SNX30: variants seen among roughly 807,000 people sequenced by gnomAD.
SNX30 encodes sorting nexin family member 30.
SNX30 carries 24 observed loss-of-function variants against 46.4 expected under a neutral mutation model. The ratio of observed to expected loss-of-function variants is 0.52; its 90% CI spans 0.37 to 0.73. SNX30 has a LOEUF of 0.73. Ranked by LOEUF, SNX30 falls within the 30% of genes least tolerant of loss-of-function variation. The pLI, the probability that SNX30 is intolerant of heterozygous loss-of-function variation, is 0.00. For synonymous variants in SNX30, 189 were observed against 211.5 expected, an observed-to-expected ratio of 0.89 and a Z score of 0.92; for missense variants, 533 against 555.7, an observed-to-expected ratio of 0.96 and a Z score of 0.41.
chr9:112,751,877 C>T (rs1839283992), intron 1 of SNX30, among the ~76,000 whole-genome samples: 1 of 152,126 alleles, frequency 6.6e-6, no homozygotes. Flanking sequence ...AGCAGCACAA[C>T]CCTCCTGCTG....
intron 8 of SNX30, among the ~76,000 whole-genome samples, chr9:112,865,635 ATATATATATATATATATATATATATATG>A (rs1319168775): frequency 3.7e-5 from 3 of 80,166 alleles, no homozygotes; most frequent in African/African-American, 1.3e-4. Context: ...ATATATATAT[ATATATATATATATATATATATATATATG>A]TATGTATGTA....
At chr9:112,881,723 G>A (rs970492087), downstream of SNX30, 5 of 152,220 alleles carry the variant, frequency 3.3e-5, no homozygotes, top group African/African-American at 1.2e-4. Flanking sequence ...TACAGGGAGA[G>A]CCAAATAGCC....
At chr9:112,859,800 C>T (rs1206333774) in intron 7 of SNX30, among the ~76,000 whole-genome samples, 5 of 151,790 alleles carry the variant, frequency 3.3e-5, no homozygotes, top group African/African-American at 1.2e-4. Flanking sequence ...AGCCGCTGCA[C>T]CTGGCCTATT....
At chr9:112,791,479 G>T (rs1253955387) in intron 1 of SNX30, among the ~76,000 whole-genome samples, 1 of 117,168 alleles carries the variant, frequency 8.5e-6, no homozygotes, top group African/African-American at 3.2e-5. Flanking sequence ...GCGCAATTGC[G>T]CTGCTCACTG....
chr9:112,770,556 G>C (rs1588110169), intron 1 of SNX30, among the ~76,000 whole-genome samples: 1 of 152,104 alleles, frequency 6.6e-6, no homozygotes, highest in African/African-American at 2.4e-5. Flanking sequence ...CCAAGTACAT[G>C]GGTAATCTGG....
intron 3 of SNX30, among the ~76,000 whole-genome samples, chr9:112,829,320 A>G (rs1840626558): frequency 6.6e-6 from 1 of 152,134 alleles, no homozygotes; most frequent in Non-Finnish European, 1.5e-5. Context: ...CCCAGGCTGG[A>G]GTGCAGTGGT....
intron 5 of SNX30, among the ~76,000 whole-genome samples, chr9:112,837,819 T>C (rs1313430347): frequency 6.6e-6 from 1 of 151,252 alleles, no homozygotes; most frequent in East Asian, 2.0e-4. Flanking sequence ...CCTAAACCTA[T>C]ATGAAACTCT....
At chr9:112,865,088 TACACCACACACCCCCCATACTACATGC>T (rs1431996118) in intron 8 of SNX30, among the ~76,000 whole-genome samples, 2 of 63,848 alleles carry the variant, frequency 3.1e-5, no homozygotes, top group Admixed American at 2.6e-4. Flanking sequence ...ACACCACACA[TACACCACACACCCCCCATACTACATGC>T]ACACCACACA....
At chr9:112,821,173 A>G (rs1032244477) in intron 3 of SNX30, among the ~76,000 whole-genome samples, 1 of 152,216 alleles carries the variant, frequency 6.6e-6, no homozygotes, top group Non-Finnish European at 1.5e-5. Context: ...CCACATCTCC[A>G]TCAATGCTGT....
chr9:112,850,172 C>G (rs931390539), intron 6 of SNX30, among the ~76,000 whole-genome samples: 19 of 152,238 alleles, frequency 1.2e-4, no homozygotes, highest in Non-Finnish European at 2.6e-4. Context: ...CCATCCAGGG[C>G]TGGCTCTCTT....
At chr9:112,835,420 C>T (rs879467937) in intron 4 of SNX30, among the ~76,000 whole-genome samples, 6 of 152,016 alleles carry the variant, frequency 3.9e-5, no homozygotes, top group Non-Finnish European at 7.3e-5. Flanking sequence ...ATTCTCGTGC[C>T]TCAGCCTCCT....
chr9:112,849,398 T>C (rs1840989770), intron 6 of SNX30, among the ~76,000 whole-genome samples: 1 of 152,208 alleles, frequency 6.6e-6, no homozygotes, highest in Admixed American at 6.5e-5. Flanking sequence ...CTAGCTTTGT[T>C]TCATGTGCTC....
In SNX30 at chr9:112,806,993, A is replaced by C. The variant is rs182349807; in HGVS notation, c.348+2026A>C. The stretch of plus-strand genomic sequence containing the variant: ...TATGCAATAATTATATCTTTTCTCT[A>C]TGGACATTTAAGCCTGCTCCAGTTT... On this transcript the variant is annotated intron_variant, in intron 2 of 8. Coordinates refer to ENST00000374232, the MANE Select transcript of SNX30 (RefSeq NM_001012994.2). Among the ~76,000 whole-genome samples, 45 of 139,938 alleles carry C rather than the reference A, an allele frequency of 3.2e-4. No individual in the cohort carries two copies. In the East Asian group the frequency reaches 9.0e-3, roughly 28 times the overall value. 91.8% of individuals were successfully genotyped at this position (139,938 alleles called of 152,430 possible). A position where few individuals can be genotyped will look rare whatever the true frequency, so the allele number is the denominator to read the frequency against.
rs1839258722 is a variant in SNX30, at chr9:112,750,840, C to G, written c.-162C>G. ...GGCGCGGAGCGGAGCGTCTGAGCGC[C>G]GGCAGAGACCAGCCGGCGGGTGGCG... On this transcript the variant is annotated 5_prime_UTR_variant, in exon 1 of 9. Coordinates refer to ENST00000374232, the MANE Select transcript of SNX30 (RefSeq NM_001012994.2). 2.0e-6 allele frequency: 1 copy of G among 499,516 alleles called. No individual in the cohort carries two copies. The allele number at this position is 499,516 out of a possible 1,614,324, so 30.9% of individuals were successfully genotyped here.
chr9:112,750,727 G>A (rs1187907920), upstream of SNX30: 1 of 150,768 alleles, frequency 6.6e-6, no homozygotes, highest in African/African-American at 2.4e-5. Flanking sequence ...GGGCCGGAGC[G>A]GGTGGGCGGT....
At chr9:112,867,507 CT>C (rs1239449401) in intron 8 of SNX30, among the ~76,000 whole-genome samples, 1 of 151,624 alleles carries the variant, frequency 6.6e-6, no homozygotes, top group Non-Finnish European at 1.5e-5. Context: ...AGAACTCCTC[CT>C]CCTTCCTCAG....
chr9:112,833,278 C>G (rs184354488), intron 4 of SNX30, among the ~76,000 whole-genome samples: 5 of 151,778 alleles, frequency 3.3e-5, no homozygotes, highest in African/African-American at 1.2e-4. Flanking sequence ...GAGCCACTTA[C>G]GTGTTCTGCC....
intron 1 of SNX30, among the ~76,000 whole-genome samples, chr9:112,788,190 G>GA (rs1554750719): frequency 6.6e-6 from 1 of 150,888 alleles, no homozygotes; most frequent in Non-Finnish European, 1.5e-5. Context: ...TCACTTGAGT[G>GA]TTTTTTTTTG....
At position 112,873,393 on chromosome 9, in the gene SNX30, A is replaced by G. The variant is rs1841476335; in HGVS notation, c.*4550A>G. 1 of 152,228 alleles carries G rather than the reference A, an allele frequency of 6.6e-6. No individual in the cohort carries two copies. Among genetic ancestry groups the G allele is most frequent in the Non-Finnish European group, 1.5e-5 (1 of 68,044 alleles). 9.4% of individuals were successfully genotyped at this position (152,228 alleles called of 1,614,324 possible). ...TTTGAGAATTTGTCCGTACCTACTA[A>G]TATGCCTTATTCTTCTTCACCTAGT... On this transcript the variant is annotated 3_prime_UTR_variant, in exon 9 of 9. Transcript: ENST00000374232.
Sources: allele counts gnomAD v4.1 joint callset (sites outside exome capture counted in the v4.1 genomes callset), GRCh38; gene constraint gnomAD v4.1.1; transcripts MANE v1.5; gene names NCBI Gene and HGNC (gene_info 2026-07-23, HGNC 2026-07-21).